Variants in PRKG1 observed in about 807,000 individuals in gnomAD.
PRKG1 encodes the protein cGMP-dependent protein kinase 1.
Under a neutral mutation model 88.1 loss-of-function variants are expected in PRKG1, and 35 were observed. That is an observed-to-expected ratio of 0.40 (90% CI 0.30 to 0.53). The LOEUF is 0.53. Among genes scored for constraint, PRKG1 ranks in the 20% least tolerant of loss-of-function variants. PRKG1 has a pLI of 0.59. For missense variants in PRKG1, 540 were observed against 839.8 expected (o/e 0.64, Z 4.41); for synonymous variants, 303 against 292.5 (o/e 1.04, Z -0.37).
At chr10:51,098,947 A>G (rs1429316853) in intron 1 of PRKG1, among the ~76,000 whole-genome samples, 3 of 152,190 alleles carry the variant, frequency 2.0e-5, no homozygotes, top group Non-Finnish European at 4.4e-5. Context: ...CAAACCTTGC[A>G]GTTTCTCACA....
At chr10:52,275,055 G>A (rs986076412) in intron 12 of PRKG1, among the ~76,000 whole-genome samples, 11 of 151,916 alleles carry the variant, frequency 7.2e-5, no homozygotes, top group Admixed American at 3.9e-4. Flanking sequence ...TGATTTGTTC[G>A]AGTTTGCTGG....
At chr10:51,179,577 G>C (rs963539716) in intron 2 of PRKG1, among the ~76,000 whole-genome samples, 1 of 152,172 alleles carries the variant, frequency 6.6e-6, no homozygotes, top group Non-Finnish European at 1.5e-5. Context: ...GAAAGTTTTT[G>C]ATTTTATTCA....
intron 3 of PRKG1, among the ~76,000 whole-genome samples, chr10:51,517,679 A>AT (rs994787457): frequency 2.0e-5 from 3 of 152,086 alleles, no homozygotes; most frequent in South Asian, 4.1e-4. Context: ...TCTATAATTT[A>AT]TTTTTTTCAC....
At chr10:51,983,219 T>C (rs1193322726) in intron 5 of PRKG1, among the ~76,000 whole-genome samples, 2 of 151,968 alleles carry the variant, frequency 1.3e-5, no homozygotes, top group Non-Finnish European at 2.9e-5. Flanking sequence ...GGTGGTCCAA[T>C]AGGGGATCAG....
At chr10:51,519,233 A>G (rs1841674034) in intron 3 of PRKG1, among the ~76,000 whole-genome samples, 2 of 152,230 alleles carry the variant, frequency 1.3e-5, no homozygotes, top group South Asian at 4.1e-4. Context: ...TGCCTGCTAT[A>G]GAACCAGGAA....
intron 1 of PRKG1, among the ~76,000 whole-genome samples, chr10:51,039,998 G>A (rs1011143629): frequency 6.6e-6 from 1 of 152,104 alleles, no homozygotes; most frequent in Admixed American, 6.6e-5. Context: ...ATAATTTGAA[G>A]TCTGGTAATG....
At chr10:51,870,191 C>G (rs1841120068) in intron 4 of PRKG1, among the ~76,000 whole-genome samples, 1 of 152,080 alleles carries the variant, frequency 6.6e-6, no homozygotes, top group African/African-American at 2.4e-5. Flanking sequence ...TTGTAAATAG[C>G]AATGTTTACA....
intron 5 of PRKG1, among the ~76,000 whole-genome samples, chr10:51,924,143 T>A (rs1041818996): frequency 6.6e-6 from 1 of 152,118 alleles, no homozygotes; most frequent in Admixed American, 6.6e-5. Flanking sequence ...TTTATTTTTA[T>A]TTTTTGTATG....
intron 3 of PRKG1, among the ~76,000 whole-genome samples, chr10:51,749,113 T>C (rs1837653326): frequency 6.6e-6 from 1 of 150,866 alleles, no homozygotes; most frequent in African/African-American, 2.5e-5. Context: ...ATTAACAAGA[T>C]AAGATTGTGA....
At chr10:51,776,552 TG>T (rs1181691971) in intron 3 of PRKG1, among the ~76,000 whole-genome samples, 2 of 152,096 alleles carry the variant, frequency 1.3e-5, no homozygotes, top group African/African-American at 2.4e-5. Flanking sequence ...AGGCCGGGCA[TG>T]GTGGTTCATG....
chr10:51,592,864 G>C (rs1838347702), intron 3 of PRKG1, among the ~76,000 whole-genome samples: 2 of 152,152 alleles, frequency 1.3e-5, no homozygotes, highest in African/African-American at 2.4e-5. Context: ...ATCCTCACAA[G>C]TATTGACTAG....
intron 12 of PRKG1, among the ~76,000 whole-genome samples, chr10:52,276,415 T>C (rs960197353): frequency 6.6e-6 from 1 of 152,148 alleles, no homozygotes; most frequent in African/African-American, 2.4e-5. Flanking sequence ...ATGAAAAAGG[T>C]GAAATATTTT....
chr10:51,620,559 T>A (rs1839179974), intron 3 of PRKG1, among the ~76,000 whole-genome samples: 1 of 151,576 alleles, frequency 6.6e-6, no homozygotes, highest in African/African-American at 2.4e-5. Context: ...TTCAGGCCAT[T>A]GTTAAACATT....
intron 2 of PRKG1, among the ~76,000 whole-genome samples, chr10:51,219,915 T>C (rs541121282): frequency 3.3e-5 from 5 of 152,058 alleles, no homozygotes; most frequent in Non-Finnish European, 7.4e-5. Flanking sequence ...CCTGATCCTA[T>C]GAATATGATG....
intron 8 of PRKG1, among the ~76,000 whole-genome samples, chr10:52,155,133 T>C (rs1838056957): frequency 6.6e-6 from 1 of 152,124 alleles, no homozygotes; most frequent in South Asian, 2.1e-4. Context: ...TATAATGACC[T>C]CTTTTCCTTT....
chr10:52,176,858 T>C (rs1185218511), intron 9 of PRKG1, among the ~76,000 whole-genome samples: 1 of 152,208 alleles, frequency 6.6e-6, no homozygotes, highest in Admixed American at 6.5e-5. Context: ...TGTATGTTGA[T>C]TTTGTATCCT....
At chr10:51,939,821 A>T (rs1276282413) in intron 5 of PRKG1, among the ~76,000 whole-genome samples, 1 of 151,482 alleles carries the variant, frequency 6.6e-6, no homozygotes, top group Non-Finnish European at 1.5e-5. Flanking sequence ...TTTCTCTCAA[A>T]TCTACTAAAA....
chr10:52,225,906 G>T (rs1840376410), intron 9 of PRKG1, among the ~76,000 whole-genome samples: 1 of 151,954 alleles, frequency 6.6e-6, no homozygotes, highest in Non-Finnish European at 1.5e-5. Context: ...AATGTAGTTT[G>T]AAATCAGGCC....
At chr10:52,109,700 C>T (rs909439493) in intron 7 of PRKG1, among the ~76,000 whole-genome samples, 1 of 145,200 alleles carries the variant, frequency 6.9e-6, no homozygotes, top group Non-Finnish European at 1.5e-5. Flanking sequence ...TCAGTGATGT[C>T]GGCAGTGAGA....
Sources: allele counts gnomAD v4.1 joint callset (sites outside exome capture counted in the v4.1 genomes callset), GRCh38; gene constraint gnomAD v4.1.1; transcripts MANE v1.5; gene names NCBI Gene and HGNC (gene_info 2026-07-23, HGNC 2026-07-21).